RAPGEF2: variants seen among roughly 807,000 people sequenced by gnomAD.
The protein encoded by RAPGEF2 is Rap guanine nucleotide exchange factor 2.
Under a neutral mutation model 186.7 loss-of-function variants are expected in RAPGEF2, and 54 were observed. That is an observed-to-expected ratio of 0.29 (90% confidence interval 0.23 to 0.36). The LOEUF (loss-of-function observed/expected upper bound fraction) is 0.36. Ranked by LOEUF, RAPGEF2 falls within the 10% of genes least tolerant of loss-of-function variation. The probability of loss-of-function intolerance (pLI) is 1.00; values close to 1 mark genes in which losing one functional copy is unlikely to be tolerated. For missense variants in RAPGEF2, 1,532 were observed against 2,045.0 expected (o/e 0.75, Z 4.84); for synonymous variants, 712 against 705.9 (o/e 1.01, Z -0.14).
At chr4:159,277,696 A>G (rs1192753696) in intron 7 of RAPGEF2, among the ~76,000 whole-genome samples, 2 of 152,082 alleles carry the variant, frequency 1.3e-5, no homozygotes, top group Non-Finnish European at 2.9e-5. Context: ...GCATTTTTTC[A>G]CATATCTGTT....
At chr4:159,309,368 A>G (rs1335874962) in intron 8 of RAPGEF2, among the ~76,000 whole-genome samples, 1 of 152,158 alleles carries the variant, frequency 6.6e-6, no homozygotes, top group East Asian at 1.9e-4. Flanking sequence ...GAAGAATGAC[A>G]CCTTCAAGAA....
intron 1 of RAPGEF2, among the ~76,000 whole-genome samples, chr4:159,130,389 G>C (rs1426459464): frequency 2.6e-5 from 4 of 152,134 alleles, no homozygotes; most frequent in Non-Finnish European, 5.9e-5. Flanking sequence ...CTGACAACAG[G>C]GTCTTGCCCT....
intron 1 of RAPGEF2, among the ~76,000 whole-genome samples, chr4:159,120,407 A>G (rs962823926): frequency 6.6e-6 from 1 of 152,226 alleles, no homozygotes; most frequent in African/African-American, 2.4e-5. Context: ...TCGAATTTAT[A>G]CTTACATCAT....
chr4:159,174,649 T>A (rs1746265440), intron 1 of RAPGEF2, among the ~76,000 whole-genome samples: 1 of 152,230 alleles, frequency 6.6e-6, no homozygotes. Flanking sequence ...ATTGATTTGT[T>A]TATTTTTTTC....
intron 7 of RAPGEF2, among the ~76,000 whole-genome samples, chr4:159,270,377 A>G (rs936017937): frequency 6.6e-5 from 10 of 152,202 alleles, no homozygotes; most frequent in African/African-American, 2.2e-4. Context: ...CTTTCATCCT[A>G]TGAGGCTTTA....
In RAPGEF2 at chr4:159,265,151, GA is replaced by G. The variant is rs548441290; in HGVS notation, c.543+21362del. ...TTCTAGTGCCCTTTCCCAGTCAGTGGAAGGTTCACTCACTCAACAAGAACGT... is the reference window on the plus strand; with the variant it reads ...TTCTAGTGCCCTTTCCCAGTCAGTGGAGGTTCACTCACTCAACAAGAACGT... On this transcript the variant is annotated intron_variant, in intron 7 of 29. Coordinates refer to ENST00000691494, the MANE Select transcript of RAPGEF2 (RefSeq NM_001394067.2). Among the ~76,000 whole-genome samples the G allele has an allele frequency of 6.6e-5, 10 of 152,290 alleles. No individual in the cohort carries two copies. In the South Asian group the frequency reaches 2.1e-3, roughly 32 times the overall value.
intron 9 of RAPGEF2, among the ~76,000 whole-genome samples, chr4:159,317,666 G>A (rs981329456): frequency 2.6e-5 from 4 of 152,208 alleles, no homozygotes; most frequent in African/African-American, 7.2e-5. Context: ...CTGATTTCCA[G>A]TGTCCAAAAT....
Position 159,323,788 on chromosome 4 carries a change from G to A in RAPGEF2, c.1149+171G>A, listed in dbSNP as rs9917937. Among the ~76,000 whole-genome samples the A allele has an allele frequency of 7.7e-3, 1,152 of 149,470 alleles. 11 individuals carry two copies. The highest frequency in any genetic ancestry group is 0.027 in the African/African-American group (1,106 of 40,604). On this transcript the variant is annotated intron_variant, in intron 11 of 29. Transcript: ENST00000691494. ...GGCTGGAGTGCAGCGGCACAAGCTC[G>A]GCTCACTGCAACATCTGCCTCCTGA...
At chr4:159,256,694 C>T (rs1278776077) in intron 7 of RAPGEF2, among the ~76,000 whole-genome samples, 2 of 152,288 alleles carry the variant, frequency 1.3e-5, no homozygotes, top group East Asian at 3.9e-4. Context: ...TCTCTGCAAC[C>T]TCACAGGCAT....
At position 159,146,552 on chromosome 4, in the gene RAPGEF2, A is replaced by G. The variant is rs115717280; in HGVS notation, c.70-40090A>G. 5.5e-3 allele frequency among the ~76,000 whole-genome samples: 837 copies of G among 152,318 alleles called. 8 individuals are homozygous for G. The highest frequency in any genetic ancestry group is 0.019 in the African/African-American group (805 of 41,564). On this transcript the variant is annotated intron_variant, in intron 1 of 29. Transcript: ENST00000691494. ...AATCCTCAGAAGAACCTAATGAGGT[A>G]GATGCTACTACTGTTATTGCTATTA...
intron 1 of RAPGEF2, among the ~76,000 whole-genome samples, chr4:159,180,676 C>T (rs1746915847): frequency 6.6e-6 from 1 of 152,174 alleles, no homozygotes; most frequent in African/African-American, 2.4e-5. Flanking sequence ...GCAGTTACTA[C>T]ACAGGGTTTT....
chr4:159,292,912 A>G (rs1164578281), intron 7 of RAPGEF2, among the ~76,000 whole-genome samples: 1 of 152,182 alleles, frequency 6.6e-6, no homozygotes, highest in Non-Finnish European at 1.5e-5. Context: ...TTCATAAGAT[A>G]ATCTAATACT....
chr4:159,351,059 G>C, intron 26 of RAPGEF2: 1 of 1,531,388 alleles, frequency 6.5e-7, no homozygotes, highest in Non-Finnish European at 8.7e-7. Context: ...CTGTTGTTAG[G>C]TGGCAGTGGC....
chr4:159,241,555 G>T (rs1754008397), intron 6 of RAPGEF2, among the ~76,000 whole-genome samples, 187 bp downstream of exon 6: 1 of 148,050 alleles, frequency 6.8e-6, no homozygotes, highest in African/African-American at 2.5e-5. Context: ...TATATAATAT[G>T]TATATATTAT....
chr4:159,267,580 C>A (rs1757571285), intron 7 of RAPGEF2, among the ~76,000 whole-genome samples: 1 of 152,158 alleles, frequency 6.6e-6, no homozygotes, highest in African/African-American at 2.4e-5. Flanking sequence ...GTTCCCGATT[C>A]ACACGCTCTG....
At chr4:159,306,040 A>G (rs926103446) in intron 8 of RAPGEF2, among the ~76,000 whole-genome samples, 4 of 152,038 alleles carry the variant, frequency 2.6e-5, no homozygotes, top group African/African-American at 4.8e-5. Flanking sequence ...TACCAGTATC[A>G]TGCTGTTTTA....
intron 1 of RAPGEF2, among the ~76,000 whole-genome samples, chr4:159,117,740 C>T (rs531986237): frequency 6.6e-5 from 10 of 152,148 alleles, no homozygotes; most frequent in Non-Finnish European, 1.2e-4. Flanking sequence ...GGGCAGGTTA[C>T]TTCACCTTAG....
At chr4:159,323,378 C>CTTTTTTTT in intron 10 of RAPGEF2, 81 bp from the exon 11 acceptor site, 1 of 1,183,158 alleles carries the variant, frequency 8.5e-7, no homozygotes, top group Non-Finnish European at 1.2e-6. Context: ...TCTGCTAATT[C>CTTTTTTTT]ATTTTTAGGG....
intron 4 of RAPGEF2, among the ~76,000 whole-genome samples, chr4:159,222,820 G>A (rs900646927): frequency 1.3e-5 from 2 of 152,066 alleles, no homozygotes; most frequent in African/African-American, 4.8e-5. Flanking sequence ...GGATTGATAT[G>A]TGAAGGAAAT....
Sources: allele counts gnomAD v4.1 joint callset (sites outside exome capture counted in the v4.1 genomes callset), GRCh38; gene constraint gnomAD v4.1.1; transcripts MANE v1.5; gene names NCBI Gene and HGNC (gene_info 2026-07-23, HGNC 2026-07-21).